Variants in PTPN22 observed in about 807,000 individuals in gnomAD.
PTPN22 encodes the protein protein tyrosine phosphatase non-receptor type 22.
In PTPN22, 85 loss-of-function variants were observed where a neutral mutation model predicts 103.3. The ratio of observed to expected loss-of-function variants is 0.82; its 90% CI spans 0.69 to 0.99. PTPN22 has a LOEUF of 0.99. PTPN22 is among the 50% of genes least tolerant of loss of function. The pLI, the probability that PTPN22 is intolerant of heterozygous loss-of-function variation, is 0.00. For missense variants in PTPN22, 865 were observed against 936.9 expected (o/e 0.92, Z 1.00); for synonymous variants, 323 against 310.2 (o/e 1.04, Z -0.43).
At chr1:113,858,396 T>G (rs1261377091) in intron 4 of PTPN22, 82 bp downstream of exon 4, 1 of 952,558 alleles carries the variant, frequency 1.0e-6, no homozygotes, top group African/African-American at 1.7e-5. Flanking sequence ...GCCTGAACCC[T>G]GAAGTTCCAC....
chr1:113,847,023 T>C (rs1664133961), intron 11 of PTPN22, among the ~76,000 whole-genome samples: 1 of 104,522 alleles, frequency 9.6e-6, no homozygotes, highest in Admixed American at 1.0e-4. Flanking sequence ...GGTCCCTTAG[T>C]TCCCTGCAGC....
chr1:113,838,006 C>A (rs1434541749), exon 13 of PTPN22: 2 of 1,614,046 alleles, frequency 1.2e-6, no homozygotes, highest in Non-Finnish European at 1.7e-6. Flanking sequence ...GTTTTCCTTG[C>A]TGTCCACCTC....
chr1:113,853,356 T>C lies in PTPN22; in HGVS notation c.750+1115A>G, dbSNP rs113247708. Among the ~76,000 whole-genome samples the C allele has an allele frequency of 2.6e-3, 397 of 150,354 alleles. 5 individuals are homozygous for C. The highest frequency in any genetic ancestry group is 8.2e-3 in the African/African-American group (335 of 41,032). ...TTTTAAATTTTCTTTTTCTTTCTTT[T>C]TTTTTTTTTTTTTTGAGGACTTTCA... On this transcript the variant is annotated intron_variant, in intron 9 of 20. Coordinates refer to ENST00000359785, the Ensembl canonical transcript of PTPN22.
chr1:113,838,727 A>C lies in PTPN22; in HGVS notation c.916-107T>G. The C allele has an allele frequency of 3.5e-6, 5 of 1,445,366 alleles. No homozygotes were observed. The South Asian group carries it at 6.0e-5, about 17-fold the overall frequency. 89.5% of individuals were successfully genotyped at this position (1,445,366 alleles called of 1,614,324 possible). A position where few individuals can be genotyped will look rare whatever the true frequency, so the allele number is the denominator to read the frequency against. On this transcript the variant is annotated intron_variant, in intron 11 of 20. Coordinates refer to ENST00000359785, the Ensembl canonical transcript of PTPN22. Reference sequence around the variant, plus strand: ...AATTTTTCAGGAAATAAAAAGATTTAAAATAATTCATGAAAGAGTTAGATT... The same window carrying C: ...AATTTTTCAGGAAATAAAAAGATTTCAAATAATTCATGAAAGAGTTAGATT...
At chr1:113,863,016 T>C (rs1665751838) in intron 1 of PTPN22, among the ~76,000 whole-genome samples, 1 of 152,180 alleles carries the variant, frequency 6.6e-6, no homozygotes, top group Admixed American at 6.5e-5. Context: ...AATAGCTAAA[T>C]TGGGGTGAGT....
intron 11 of PTPN22, among the ~76,000 whole-genome samples, chr1:113,846,603 G>A (rs566211633): frequency 7.9e-5 from 12 of 152,094 alleles, no homozygotes; most frequent in Admixed American, 7.9e-4. Context: ...TTCCCTTTCG[G>A]TTTAGAAAGT....
intron 13 of PTPN22, among the ~76,000 whole-genome samples, chr1:113,836,872 G>C (rs1663065815): frequency 6.6e-6 from 1 of 152,086 alleles, no homozygotes; most frequent in Admixed American, 6.5e-5. Context: ...GCTGCAATGA[G>C]CAATGTCCAC....
rs982525069 is a variant in PTPN22, at chr1:113,841,854, C to T, written c.916-3234G>A. Among the ~76,000 whole-genome samples, 13 of 152,146 alleles carry T rather than the reference C, an allele frequency of 8.5e-5. No individual in the cohort carries two copies. The East Asian group carries it at 1.2e-3, about 14-fold the overall frequency. The stretch of plus-strand genomic sequence containing the variant: ...CTGACCTCAAGTGATCTGCCCGCCT[C>T]GGCCTCCCAAAGTGCTGGGATTACA... On this transcript the variant is annotated intron_variant, in intron 11 of 20. Transcript: ENST00000359785.
At chr1:113,845,937 C>G (rs1664017421) in intron 11 of PTPN22, among the ~76,000 whole-genome samples, 1 of 152,150 alleles carries the variant, frequency 6.6e-6, no homozygotes, top group Non-Finnish European at 1.5e-5. Context: ...TTAACATAGC[C>G]ACTCCTGCTT....
At chr1:113,834,352 T>C (rs764614762) in exon 15 of PTPN22, 2 of 1,614,090 alleles carry the variant, frequency 1.2e-6, no homozygotes, top group Non-Finnish European at 1.7e-6. Context: ...TTTCTTTGGT[T>C]CAGATGTTCC....
intron 11 of PTPN22, among the ~76,000 whole-genome samples, chr1:113,844,236 C>A (rs572277789): frequency 6.6e-6 from 1 of 152,266 alleles, no homozygotes; most frequent in East Asian, 1.9e-4. Context: ...CCGAGGCAAG[C>A]AGATAGTCAG....
At chr1:113,829,745 A>T (rs1434900585) in intron 17 of PTPN22, 38 bp from the exon 18 acceptor site, 7 of 1,379,950 alleles carry the variant, frequency 5.1e-6, no homozygotes, top group Non-Finnish European at 7.0e-6. Context: ...GTTCCATTGC[A>T]TACCTTCTTA....
intron 14 of PTPN22, 35 bp from the exon 15 acceptor site, chr1:113,834,474 A>T: frequency 1.3e-6 from 2 of 1,580,244 alleles, no homozygotes; most frequent in Non-Finnish European, 1.7e-6. Context: ...GTTCTTAAGA[A>T]TAGTATTCTT....
chr1:113,848,360 A>T (rs1664276036), intron 11 of PTPN22, among the ~76,000 whole-genome samples, 180 bp downstream of exon 11: 1 of 152,132 alleles, frequency 6.6e-6, no homozygotes, highest in Admixed American at 6.6e-5. Context: ...TAATTTTTTA[A>T]GTTAAATTAC....
intron 7 of PTPN22, among the ~76,000 whole-genome samples, chr1:113,855,503 CAAAAAAA>C (rs58516952): frequency 3.6e-5 from 3 of 84,430 alleles, no homozygotes; most frequent in Admixed American, 1.5e-4. Flanking sequence ...GACTCTGTCT[CAAAAAAA>C]AAAAAAAAAA....
In PTPN22 at chr1:113,861,560, G is replaced by A. The variant is rs191437211; in HGVS notation, c.88-2100C>T. Among the ~76,000 whole-genome samples, 53 of 150,612 alleles carry A rather than the reference G, an allele frequency of 3.5e-4. No individual in the cohort carries two copies. The East Asian group carries it at 8.5e-3, about 24-fold the overall frequency. On this transcript the variant is annotated intron_variant, in intron 1 of 20. Coordinates refer to ENST00000359785, the Ensembl canonical transcript of PTPN22. ...CGGCCAATTTTTTTTTGTATTTTTA[G>A]TAGAGACAGGGTTTCGCCATGTTGG...
chr1:113,867,637 T>A (rs769478081), intron 1 of PTPN22, among the ~76,000 whole-genome samples: 6 of 152,222 alleles, frequency 3.9e-5, no homozygotes, highest in Admixed American at 6.5e-5. Flanking sequence ...GCATGGAGCA[T>A]TGCATTGCAT....
intron 18 of PTPN22, among the ~76,000 whole-genome samples, chr1:113,827,676 T>C (rs1662207887): frequency 6.6e-6 from 1 of 152,120 alleles, no homozygotes; most frequent in Non-Finnish European, 1.5e-5. Flanking sequence ...GCAAGCATAT[T>C]TGTAGGATAA....
chr1:113,827,471 T>C (rs1185387355), intron 18 of PTPN22, among the ~76,000 whole-genome samples: 1 of 152,122 alleles, frequency 6.6e-6, no homozygotes, highest in African/African-American at 2.4e-5. Context: ...TAATAAATTA[T>C]ATATAAATAT....
Sources: allele counts gnomAD v4.1 joint callset (sites outside exome capture counted in the v4.1 genomes callset), GRCh38; gene constraint gnomAD v4.1.1; transcripts MANE v1.5; gene names NCBI Gene and HGNC (gene_info 2026-07-23, HGNC 2026-07-21).